CCL28: variants seen among roughly 807,000 people sequenced by gnomAD.
CCL28 encodes the protein C-C motif chemokine ligand 28, also known as C-C motif chemokine 28.
Under a neutral mutation model 7.1 loss-of-function variants are expected in CCL28, and 4 were observed. That is an observed-to-expected ratio of 0.56 (90% confidence interval 0.28 to 1.29). The LOEUF is 1.29. Ranked by LOEUF, CCL28 falls within the 50% of genes most tolerant of loss-of-function variation. The probability of loss-of-function intolerance (pLI) is 0.11; values close to 1 mark genes in which losing one functional copy is unlikely to be tolerated. For missense variants in CCL28, 151 were observed against 163.4 expected (o/e 0.92, Z 0.41); for synonymous variants, 55 against 57.8 (o/e 0.95, Z 0.22).
chr5:43,367,033 CTTTG>C, the CCL28 span, among the ~76,000 whole-genome samples: 1 of 152,366 alleles, frequency 6.6e-6, no homozygotes. Flanking sequence ...TGTGTTTACA[CTTTG>C]TTTGCATGCC....
the CCL28 span, among the ~76,000 whole-genome samples, chr5:43,362,678 G>A: frequency 6.6e-6 from 1 of 152,182 alleles, no homozygotes; most frequent in Non-Finnish European, 1.5e-5. Flanking sequence ...AATATCTGCT[G>A]TGTCTTCGTT....
At chr5:43,384,517 C>T (rs1740257141) in intron 2 of CCL28, among the ~76,000 whole-genome samples, 1 of 152,198 alleles carries the variant, frequency 6.6e-6, no homozygotes, top group Admixed American at 6.5e-5. Context: ...CGGGGCTGGC[C>T]TATTCCACAT....
At chr5:43,357,992 A>G in the CCL28 span, among the ~76,000 whole-genome samples, 68,706 of 151,898 alleles carry the variant, frequency 0.45, 16,292 homozygotes, top group Middle Eastern at 0.61. Context: ...TCAGCTATTA[A>G]TGACCCACAT....
At chr5:43,365,008 T>A in the CCL28 span, among the ~76,000 whole-genome samples, 1 of 147,526 alleles carries the variant, frequency 6.8e-6, no homozygotes, top group Non-Finnish European at 1.5e-5. Flanking sequence ...TTGACTCTTT[T>A]TTTTTTTTTT....
rs1740009963 is a variant in CCL28, at chr5:43,379,275, A to C, written c.*2585T>G. On this transcript the variant is annotated 3_prime_UTR_variant, in exon 3 of 3. Transcript: ENST00000361115. ...AAAATAATTCAAGTTGTTAGTTGAA[A>C]GAATTAGACACCAGTGTTTTGGTAT... 6.6e-6 allele frequency: 1 copy of C among 151,734 alleles called. No homozygotes were observed. The highest frequency in any genetic ancestry group is 2.4e-5 in the African/African-American group (1 of 41,012). 9.4% of individuals were successfully genotyped at this position (151,734 alleles called of 1,614,324 possible). A position where few individuals can be genotyped will look rare whatever the true frequency, so the allele number is the denominator to read the frequency against.
Position 43,388,428 on chromosome 5 carries a change from A to C in CCL28, c.113T>G (p.Ile38Ser). 1 of 1,614,182 alleles carries C rather than the reference A, an allele frequency of 6.2e-7. No individual in the cohort carries two copies. Among genetic ancestry groups the C allele is most frequent in the Non-Finnish European group, 8.5e-7 (1 of 1,180,030 alleles). ...CACTCTTTCCAGGAGCCTTCTGGAA[A>C]TATGATGTGAAACCTCCGTGCAACA... ...SSCCTEVSHHISRRLLERVNM... is the reference protein window; with the variant it reads ...SSCCTEVSHHSSRRLLERVNM... Residue 38 changes from isoleucine to serine, a missense_variant, in exon 2 of 3, where the codon ATT becomes AGT. Transcript: ENST00000361115.
Position 43,382,021 on chromosome 5 carries a change from T to C in CCL28, c.223A>G (p.Ser75Gly). ...TGCTTAACAGTATGGTTGTGCGGGC[T>C]GACACAGATTCTTCTGCGCTTGACA... ...LHVKRRRICV[S>G]PHNHTVKQWM... Residue 75 changes from serine (S) to glycine (G), a missense_variant, in exon 3 of 3, where the codon AGC (serine) becomes GGC (glycine). Transcript: ENST00000361115. 1.2e-6 allele frequency: 2 copies of C among 1,613,512 alleles called. No individual in the cohort carries two copies. The highest frequency in any genetic ancestry group is 1.7e-6 in the Non-Finnish European group (2 of 1,179,768).
At chr5:43,396,020 C>T (rs1249358199) in intron 1 of CCL28, among the ~76,000 whole-genome samples, 1 of 151,742 alleles carries the variant, frequency 6.6e-6, no homozygotes, top group African/African-American at 2.4e-5. Flanking sequence ...TACAGACGCC[C>T]GCCACCACAC....
At chr5:43,410,494 T>G (rs558758565) in intron 1 of CCL28, among the ~76,000 whole-genome samples, 7 of 152,170 alleles carry the variant, frequency 4.6e-5, no homozygotes, top group African/African-American at 7.2e-5. Flanking sequence ...TCGGCTCCCT[T>G]CCTTATTATC....
At chr5:43,361,412 G>T in the CCL28 span, among the ~76,000 whole-genome samples, 2 of 152,150 alleles carry the variant, frequency 1.3e-5, no homozygotes, top group African/African-American at 4.8e-5. Context: ...TGCATAGTTT[G>T]CAAATATTTT....
intron 1 of CCL28, among the ~76,000 whole-genome samples, chr5:43,411,897 G>A (rs996033206): frequency 6.6e-6 from 1 of 152,204 alleles, no homozygotes; most frequent in African/African-American, 2.4e-5. Flanking sequence ...AGCAGGTTGG[G>A]GTGTGGAGGA....
downstream of CCL28, among the ~76,000 whole-genome samples, chr5:43,376,350 C>T (rs185274060): frequency 1.9e-3 from 295 of 152,258 alleles, no homozygotes; most frequent in African/African-American, 6.8e-3. Flanking sequence ...TTTTGGATGT[C>T]ATCTGGTGGG....
Position 43,412,384 on chromosome 5 carries a change from G to C in CCL28, c.-68C>G. ...TGTTCGATCAGGAAATGAGGCTAAA[G>C]GTGTCCTTGGGCACAGAGAAAGTGC... On this transcript the variant is annotated 5_prime_UTR_variant, in exon 1 of 3. Coordinates refer to ENST00000361115, the MANE Select transcript of CCL28 (RefSeq NM_148672.3). 5 of 1,431,454 alleles carry C rather than the reference G, an allele frequency of 3.5e-6. No homozygotes were observed. The highest frequency in any genetic ancestry group is 4.8e-6 in the Non-Finnish European group (5 of 1,030,968). 88.7% of individuals were successfully genotyped at this position (1,431,454 alleles called of 1,614,324 possible).
chr5:43,357,748 A>G, the CCL28 span, among the ~76,000 whole-genome samples: 140 of 152,310 alleles, frequency 9.2e-4, 2 homozygotes, highest in East Asian at 0.02. Context: ...CCCAAATCCA[A>G]TCTAAATCAA....
the CCL28 span, among the ~76,000 whole-genome samples, chr5:43,366,497 C>T: frequency 2.0e-5 from 3 of 152,170 alleles, no homozygotes; most frequent in Non-Finnish European, 4.4e-5. Context: ...CCAGTGGAGG[C>T]TGCAGTTTCT....
chr5:43,375,869 AC>A (rs1352706193), downstream of CCL28, among the ~76,000 whole-genome samples: 1 of 149,834 alleles, frequency 6.7e-6, no homozygotes, highest in Non-Finnish European at 1.5e-5. Context: ...CCCCGTCTCT[AC>A]CAAAAATATA....
chr5:43,411,926 G>A (rs1030317812), intron 1 of CCL28, among the ~76,000 whole-genome samples: 1 of 152,168 alleles, frequency 6.6e-6, no homozygotes, highest in African/African-American at 2.4e-5. Context: ...GAATAGTAGG[G>A]GCTTTACTCC....
At chr5:43,411,411 C>A (rs1694490112) in intron 1 of CCL28, among the ~76,000 whole-genome samples, 1 of 152,208 alleles carries the variant, frequency 6.6e-6, no homozygotes, top group Non-Finnish European at 1.5e-5. Flanking sequence ...TCTCCAAATA[C>A]ATGCTAGCAA....
chr5:43,381,278 C>CT lies in CCL28; in HGVS notation c.*581dup, dbSNP rs1482461470. On this transcript the variant is annotated 3_prime_UTR_variant, in exon 3 of 3. Transcript: ENST00000361115. ...ATATATAGATGTTCATTGTACCATT[C>CT]TTTTAACTTCTCTGTAAGTTTGGAA... The CT allele has an allele frequency of 6.6e-6, 1 of 152,096 alleles. No individual in the cohort carries two copies. The highest frequency in any genetic ancestry group is 2.4e-5 in the African/African-American group (1 of 41,412). 9.4% of individuals were successfully genotyped at this position (152,096 alleles called of 1,614,324 possible).
Sources: allele counts gnomAD v4.1 joint callset (sites outside exome capture counted in the v4.1 genomes callset), GRCh38; gene constraint gnomAD v4.1.1; transcripts MANE v1.5; gene names NCBI Gene and HGNC (gene_info 2026-07-23, HGNC 2026-07-21).